ADARB2: variants seen among roughly 807,000 people sequenced by gnomAD.
The protein encoded by ADARB2 is inactive double-stranded RNA-specific editase B2.
Under a neutral mutation model 62.2 loss-of-function variants are expected in ADARB2, and 25 were observed. The ratio of observed to expected loss-of-function variants is 0.40; its 90% CI spans 0.29 to 0.56. ADARB2 has a LOEUF of 0.56. Ranked by LOEUF, ADARB2 falls within the 20% of genes least tolerant of loss-of-function variation. The pLI is 0.43. For synonymous variants in ADARB2, 572 were observed against 500.8 expected, an observed-to-expected ratio of 1.14 and a Z score of -1.90; for missense variants, 1,071 against 1,077.4, an observed-to-expected ratio of 0.99 and a Z score of 0.08.
At position 1,704,052 on chromosome 10, in the gene ADARB2, A is replaced by C. The variant is rs1834856944; in HGVS notation, c.100+32999T>G. The stretch of plus-strand genomic sequence containing the variant: ...TTACCTCAAGAGTTAGTATCTTAAA[A>C]GAACAAACACTATATCTAACTTCCT... On this transcript the variant is annotated intron_variant, in intron 1 of 9. Coordinates refer to ENST00000381312, the MANE Select transcript of ADARB2 (RefSeq NM_018702.4). This position sits in a 1 kb window ranked among gnomAD's most constrained non-coding sequence, Gnocchi z 5.6. Among the ~76,000 whole-genome samples, 2 of 152,038 alleles carry C rather than the reference A, an allele frequency of 1.3e-5. No individual in the cohort carries two copies. The highest frequency in any genetic ancestry group is 4.8e-5 in the African/African-American group (2 of 41,440).
At chr10:1,576,748 C>T (rs1001889245) in intron 1 of ADARB2, among the ~76,000 whole-genome samples, 1 of 152,190 alleles carries the variant, frequency 6.6e-6, no homozygotes, top group Non-Finnish European at 1.5e-5. Context: ...AACCCACATC[C>T]CCAGGGTCTC....
At chr10:1,544,985 A>ACACACACACACACACACACACACACACAC (rs10523350) in intron 1 of ADARB2, among the ~76,000 whole-genome samples, 6 of 151,744 alleles carry the variant, frequency 4.0e-5, no homozygotes, top group Admixed American at 6.6e-5. Context: ...ACACACACAC[A>ACACACACACACACACACACACACACACAC]ATGTCCCTTG....
At position 1,413,817 on chromosome 10, in the gene ADARB2, C is replaced by T. The variant is rs535772930; in HGVS notation, c.101-34657G>A. 2.0e-5 allele frequency among the ~76,000 whole-genome samples: 3 copies of T among 152,220 alleles called. 1 individual carries two copies. The East Asian group carries it at 5.8e-4, about 29-fold the overall frequency. On this transcript the variant is annotated intron_variant, in intron 1 of 9. Coordinates refer to ENST00000381312, the MANE Select transcript of ADARB2 (RefSeq NM_018702.4). ...AACCCAAATAATCTTTAGTAAAAAC[C>T]GATTTGTAAATTATGCATCCATTCT...
At chr10:1,709,951 G>A (rs1564201264) in intron 1 of ADARB2, among the ~76,000 whole-genome samples, 1 of 152,186 alleles carries the variant, frequency 6.6e-6, no homozygotes, top group Non-Finnish European at 1.5e-5. Context: ...ATGCTAATTT[G>A]AGAAGTTGCT....
intron 4 of ADARB2, among the ~76,000 whole-genome samples, chr10:1,254,059 CTGTGGTTAGGA>C (rs973000561): frequency 8.0e-5 from 12 of 150,390 alleles, no homozygotes; most frequent in East Asian, 2.0e-4. Flanking sequence ...GAGGTCGGCT[CTGTGGTTAGGA>C]TGTGGTTAGG....
chr10:1,322,975 C>T (rs990370440), intron 3 of ADARB2, among the ~76,000 whole-genome samples: 6 of 152,158 alleles, frequency 3.9e-5, no homozygotes, highest in African/African-American at 9.7e-5. Context: ...GCTGACACTA[C>T]CCTGATACAC....
At chr10:1,432,565 A>G (rs1830787857) in intron 1 of ADARB2, among the ~76,000 whole-genome samples, 1 of 150,076 alleles carries the variant, frequency 6.7e-6, no homozygotes, top group Admixed American at 6.7e-5. Flanking sequence ...TCACTTATCT[A>G]AGTGAAAAGT....
At chr10:1,562,962 G>C (rs879435880) in intron 1 of ADARB2, among the ~76,000 whole-genome samples, 88 of 152,242 alleles carry the variant, frequency 5.8e-4, no homozygotes, top group Admixed American at 8.5e-4. Context: ...CTCTCAGCCA[G>C]AAAGAAGCAC....
chr10:1,310,655 G>A (rs995455590), intron 3 of ADARB2, among the ~76,000 whole-genome samples: 5 of 152,188 alleles, frequency 3.3e-5, no homozygotes, highest in South Asian at 2.1e-4. Context: ...CGCTCCAGTC[G>A]GGACTAGGTC....
chr10:1,324,787 G>A (rs140360516), intron 3 of ADARB2, among the ~76,000 whole-genome samples: 1 of 152,290 alleles, frequency 6.6e-6, no homozygotes, highest in Non-Finnish European at 1.5e-5. Flanking sequence ...TGGGATGGGT[G>A]ATCTGTGTCC....
chr10:1,243,583 C>T (rs1302804738), intron 4 of ADARB2, among the ~76,000 whole-genome samples: 1 of 152,218 alleles, frequency 6.6e-6, no homozygotes, highest in African/African-American at 2.4e-5. Flanking sequence ...CTGGGCCTCA[C>T]CGTGGGATCT....
chr10:1,515,139 A>T (rs542552532), intron 1 of ADARB2, among the ~76,000 whole-genome samples: 1 of 152,252 alleles, frequency 6.6e-6, no homozygotes, highest in Non-Finnish European at 1.5e-5. Context: ...TCATTAACAA[A>T]AAAAGAACAA....
At chr10:1,698,755 A>C (rs1483694717) in intron 1 of ADARB2, among the ~76,000 whole-genome samples, 1 of 152,196 alleles carries the variant, frequency 6.6e-6, no homozygotes, top group Non-Finnish European at 1.5e-5. Flanking sequence ...ATGACTTTTA[A>C]AAAATTTATT....
chr10:1,642,937 C>A (rs10903527), intron 1 of ADARB2, among the ~76,000 whole-genome samples: 1 of 152,072 alleles, frequency 6.6e-6, no homozygotes, highest in Non-Finnish European at 1.5e-5. Flanking sequence ...ACCTCCACCC[C>A]GCGGCCCCCT....
chr10:1,417,105 A>G (rs1832810721), intron 1 of ADARB2, among the ~76,000 whole-genome samples: 1 of 152,112 alleles, frequency 6.6e-6, no homozygotes, highest in Non-Finnish European at 1.5e-5. Context: ...TATAGACCAG[A>G]TGGCCAGGAA....
At chr10:1,710,614 G>A (rs1439846265) in intron 1 of ADARB2, among the ~76,000 whole-genome samples, 1 of 152,194 alleles carries the variant, frequency 6.6e-6, no homozygotes, top group Admixed American at 6.5e-5. Flanking sequence ...GAGGCTGGCT[G>A]GTAAATCTGG....
In ADARB2 at chr10:1,255,219, A is replaced by T. The variant is rs960604285; in HGVS notation, c.1193-12920T>A. On this transcript the variant is annotated intron_variant, in intron 4 of 9. Transcript: ENST00000381312. This position sits in a 1 kb window ranked among gnomAD's most constrained non-coding sequence, Gnocchi z 4.7. ...AGAAATGAATAACTCTGCTGTTTTA[A>T]CACTCATTCTTTTTCCTTCCAAAAT... Among the ~76,000 whole-genome samples the T allele has an allele frequency of 2.0e-5, 3 of 152,218 alleles. No homozygotes were observed. Among genetic ancestry groups the T allele is most frequent in the African/African-American group, 7.2e-5 (3 of 41,446 alleles).
At chr10:1,638,708 T>C (rs1360238913) in intron 1 of ADARB2, among the ~76,000 whole-genome samples, 2 of 152,204 alleles carry the variant, frequency 1.3e-5, no homozygotes, top group Non-Finnish European at 2.9e-5. Context: ...AGTGTTTTTT[T>C]TGTAAGGTTG....
rs1299100447 is a variant in ADARB2 at position 1,477,675 on chromosome 10, T to C, written c.101-98515A>G. On this transcript the variant is annotated intron_variant, in intron 1 of 9. Transcript: ENST00000381312. This position sits in a 1 kb window ranked among gnomAD's most constrained non-coding sequence, Gnocchi z 4.5. ...GGGACCAACATGAAGCGTCAGCCTG[T>C]GCGCCTCTTTCCAGACGATAGGCGG... is the stretch of plus-strand genomic sequence containing the variant. Among the ~76,000 whole-genome samples, 1 of 152,196 alleles carries C rather than the reference T, an allele frequency of 6.6e-6. No individual in the cohort carries two copies. The highest frequency in any genetic ancestry group is 1.5e-5 in the Non-Finnish European group (1 of 68,040).
Sources: gnomAD v4.1 joint callset for allele counts (sites outside exome capture counted in the v4.1 genomes callset) on GRCh38, gnomAD v4.1.1 for gene constraint, Gnocchi (gnomAD v3.1) non-coding constraint, MANE v1.5 for transcripts, NCBI Gene and HGNC (gene_info 2026-07-23, HGNC 2026-07-21) for gene names.